The following STK39 variants were observed in gnomAD, a reference collection of about 807,000 sequenced individuals.
STK39 encodes the protein STE20/SPS1-related proline-alanine-rich protein kinase.
A neutral mutation model predicts 77.8 loss-of-function variants in STK39; 20 were observed. The observed-to-expected ratio is 0.26, with a 90% CI of 0.18 to 0.37. The LOEUF (loss-of-function observed/expected upper bound fraction) is 0.37, where lower values mean the gene tolerates loss of function less well. Among genes scored for constraint, STK39 ranks in the 10% least tolerant of loss-of-function variants. The probability of loss-of-function intolerance (pLI) is 1.00; values close to 1 mark genes in which losing one functional copy is unlikely to be tolerated. For synonymous variants in STK39, 246 were observed against 234.1 expected (o/e 1.05, Z -0.47); for missense variants, 479 against 656.5 (o/e 0.73, Z 2.95).
chr2:168,115,084 T>C (rs1687223895), intron 10 of STK39, among the ~76,000 whole-genome samples: 1 of 152,134 alleles, frequency 6.6e-6, no homozygotes, highest in Non-Finnish European at 1.5e-5. Flanking sequence ...CTGAAGTACC[T>C]CGTATAATCT....
At chr2:168,190,225 G>A (rs148310789) in intron 1 of STK39, among the ~76,000 whole-genome samples, 1 of 152,294 alleles carries the variant, frequency 6.6e-6, no homozygotes, top group East Asian at 1.9e-4. Flanking sequence ...GCCCATCACT[G>A]GGGAAGACAC....
chr2:168,187,075 G>C (rs1474091304), intron 1 of STK39, among the ~76,000 whole-genome samples: 1 of 152,100 alleles, frequency 6.6e-6, no homozygotes, highest in Non-Finnish European at 1.5e-5. Context: ...TTTTAAGGCC[G>C]GGCATGGTGG....
At chr2:167,967,857 TTG>T (rs1267879935) in intron 16 of STK39, among the ~76,000 whole-genome samples, 1 of 152,190 alleles carries the variant, frequency 6.6e-6, no homozygotes, top group African/African-American at 2.4e-5. Flanking sequence ...CCTAGGTGTA[TTG>T]TGTGATGCTG....
intron 10 of STK39, among the ~76,000 whole-genome samples, chr2:168,111,635 T>C: frequency 6.6e-6 from 1 of 152,188 alleles, no homozygotes; most frequent in East Asian, 1.9e-4. Flanking sequence ...AGTTCTCACA[T>C]GTATACAGCG....
chr2:167,998,622 TTTTGTTTG>T (rs144974144), intron 16 of STK39, among the ~76,000 whole-genome samples: 29 of 151,642 alleles, frequency 1.9e-4, no homozygotes, highest in African/African-American at 6.3e-4. Flanking sequence ...AGTTGGTGTT[TTTTGTTTG>T]TTTGTTTGTT....
intron 17 of STK39, among the ~76,000 whole-genome samples, chr2:167,959,229 T>C (rs540150644): frequency 3.2e-4 from 49 of 151,962 alleles, no homozygotes; most frequent in Admixed American, 1.0e-3. Context: ...AGCGATTCTC[T>C]TGCCTCAGCC....
At chr2:168,024,457 T>A (rs1391908035) in intron 14 of STK39, among the ~76,000 whole-genome samples, 1 of 152,118 alleles carries the variant, frequency 6.6e-6, no homozygotes, top group Non-Finnish European at 1.5e-5. Flanking sequence ...GGTGTTTAGG[T>A]CATGAGGGCG....
chr2:168,005,487 C>T (rs898929794), intron 16 of STK39, among the ~76,000 whole-genome samples: 12 of 151,516 alleles, frequency 7.9e-5, no homozygotes, highest in African/African-American at 2.9e-4. Context: ...TTACATTATC[C>T]AAATCATCAA....
At chr2:168,246,676 G>C (rs1316252167) in intron 1 of STK39, among the ~76,000 whole-genome samples, 1 of 152,164 alleles carries the variant, frequency 6.6e-6, no homozygotes, top group Non-Finnish European at 1.5e-5. Flanking sequence ...CATCCTCCCC[G>C]GCCTCAGAAA....
At chr2:167,971,569 C>T (rs1692345996) in intron 16 of STK39, among the ~76,000 whole-genome samples, 1 of 152,174 alleles carries the variant, frequency 6.6e-6, no homozygotes, top group African/African-American at 2.4e-5. Flanking sequence ...TTCCTTCATG[C>T]TTACACATTA....
chr2:168,007,667 G>C (rs1684165268), intron 16 of STK39, among the ~76,000 whole-genome samples: 2 of 152,064 alleles, frequency 1.3e-5, no homozygotes, highest in South Asian at 4.2e-4. Flanking sequence ...CCAGGGGGTG[G>C]GCATATATGG....
At chr2:168,040,561 C>T (rs1685076893) in intron 14 of STK39, among the ~76,000 whole-genome samples, 1 of 152,204 alleles carries the variant, frequency 6.6e-6, no homozygotes, top group Non-Finnish European at 1.5e-5. Flanking sequence ...CATATAACCT[C>T]ACTGGACAAC....
chr2:168,076,201 T>C (rs545131959), intron 10 of STK39, among the ~76,000 whole-genome samples: 1 of 152,264 alleles, frequency 6.6e-6, no homozygotes, highest in African/African-American at 2.4e-5. Context: ...AACCTCTTCA[T>C]TTTACAGATG....
chr2:168,085,312 A>T (rs1686336744), intron 10 of STK39, among the ~76,000 whole-genome samples: 1 of 152,192 alleles, frequency 6.6e-6, no homozygotes, highest in Non-Finnish European at 1.5e-5. Context: ...AACTGGACAG[A>T]ACCCTGATCA....
chr2:168,214,072 A>G (rs537272308), intron 1 of STK39, among the ~76,000 whole-genome samples: 8 of 152,252 alleles, frequency 5.3e-5, no homozygotes, highest in African/African-American at 1.9e-4. Flanking sequence ...ACAGTGGTGG[A>G]GCAGCATGGA....
At chr2:168,118,816 T>C (rs1385454945) in intron 10 of STK39, among the ~76,000 whole-genome samples, 2 of 150,982 alleles carry the variant, frequency 1.3e-5, no homozygotes, top group Non-Finnish European at 2.9e-5. Flanking sequence ...CCTGTCCAGA[T>C]TCTTAGTCAA....
chr2:168,214,525 G>T (rs1384336858), intron 1 of STK39, among the ~76,000 whole-genome samples: 1 of 152,110 alleles, frequency 6.6e-6, no homozygotes, highest in Non-Finnish European at 1.5e-5. Flanking sequence ...TATGGGGAAT[G>T]GTGGAAATGT....
intron 1 of STK39, among the ~76,000 whole-genome samples, chr2:168,223,534 A>AC (rs1455269448): frequency 2.6e-5 from 4 of 151,464 alleles, no homozygotes; most frequent in African/African-American, 9.7e-5. Flanking sequence ...AAAAAAGAAA[A>AC]GAAAATTCAC....
At chr2:168,034,316 G>C (rs2105343067) in intron 14 of STK39, among the ~76,000 whole-genome samples, 1 of 152,292 alleles carries the variant, frequency 6.6e-6, no homozygotes, top group East Asian at 1.9e-4. Flanking sequence ...AATCTGAGAA[G>C]TTTTCTGATA....
Sources: allele counts gnomAD v4.1 joint callset (sites outside exome capture counted in the v4.1 genomes callset), GRCh38; gene constraint gnomAD v4.1.1; transcripts MANE v1.5; gene names NCBI Gene and HGNC (gene_info 2026-07-23, HGNC 2026-07-21).